Variants in PCDHGB6 observed in about 807,000 individuals in gnomAD.
PCDHGB6 encodes protocadherin gamma-B6.
A neutral mutation model predicts 59.1 loss-of-function variants in PCDHGB6; 51 were observed. The ratio of observed to expected loss-of-function variants is 0.86; its 90% CI spans 0.69 to 1.09. The LOEUF (loss-of-function observed/expected upper bound fraction) is 1.09, where lower values mean the gene tolerates loss of function less well. Ranked by LOEUF, PCDHGB6 falls within the 50% of genes least tolerant of loss-of-function variation. The probability of loss-of-function intolerance (pLI) is 0.00; values close to 1 mark genes in which losing one functional copy is unlikely to be tolerated. For missense variants in PCDHGB6, 1,148 were observed against 1,205.1 expected (o/e 0.95, Z 0.70); for synonymous variants, 466 against 495.1 (o/e 0.94, Z 0.78).
At chr5:141,462,905 T>G (rs542357408) in intron 1 of PCDHGB6, among the ~76,000 whole-genome samples, 265 of 152,356 alleles carry the variant, frequency 1.7e-3, no homozygotes, top group Non-Finnish European at 3.1e-3. Flanking sequence ...AAGGCTATTA[T>G]GTTTTTTGCA....
Position 141,485,220 on chromosome 5 carries a change from C to T in PCDHGB6, c.2419-9587C>T. The T allele has an allele frequency of 6.2e-7, 1 of 1,614,192 alleles. No homozygotes were observed. The highest frequency in any genetic ancestry group is 8.5e-7 in the Non-Finnish European group (1 of 1,180,024). On this transcript the variant is annotated intron_variant, in intron 1 of 3. Transcript: ENST00000520790. This position sits in a 1 kb window ranked among gnomAD's most constrained non-coding sequence, Gnocchi z 5.7. ...TGGACAGAAATCTGGCGGTGGGCTA[C>T]CCTTTTGTTCCTCTTTTACCACCTG... is the stretch of plus-strand genomic sequence containing the variant.
At chr5:141,433,208 CTT>C (rs745329085) in intron 1 of PCDHGB6, 289 of 1,287,502 alleles carry the variant, frequency 2.2e-4, no homozygotes, top group South Asian at 2.8e-4. Context: ...AATCTTCTTT[CTT>C]TTTTTTTTTT....
chr5:141,425,486 C>T (rs2096878743), intron 1 of PCDHGB6, among the ~76,000 whole-genome samples: 1 of 152,236 alleles, frequency 6.6e-6, no homozygotes, highest in African/African-American at 2.4e-5. Context: ...TGGCAACCTA[C>T]TAGGCTATAC....
rs754547223 is a variant in PCDHGB6 at position 141,511,148 on chromosome 5, AGTC to A, written c.2770_2772del (p.Ser924del). The A allele has an allele frequency of 7.4e-6, 12 of 1,614,202 alleles. No individual in the cohort carries two copies. The highest frequency in any genetic ancestry group is 1.0e-5 in the Non-Finnish European group (12 of 1,180,016). ...GCAGGTGGCAATGGCAACAAGAAGA[AGTC>A]GGGCAAGAAGGAGAAGAAGTAACAT... On this transcript the variant is annotated inframe_deletion, in exon 4 of 4. Coordinates refer to ENST00000520790, the MANE Select transcript of PCDHGB6 (RefSeq NM_018926.3).
chr5:141,450,633 C>T (rs751572851), intron 1 of PCDHGB6, among the ~76,000 whole-genome samples: 2 of 149,416 alleles, frequency 1.3e-5, no homozygotes, highest in East Asian at 2.0e-4. Flanking sequence ...ATTACAGATG[C>T]CTGCCACCAT....
Position 141,476,745 on chromosome 5 carries a change from T to C in PCDHGB6, c.2419-18062T>C, listed in dbSNP as rs1372622323. 6.2e-7 allele frequency: 1 copy of C among 1,613,958 alleles called. No individual in the cohort carries two copies. On this transcript the variant is annotated intron_variant, in intron 1 of 3. Coordinates refer to ENST00000520790, the MANE Select transcript of PCDHGB6 (RefSeq NM_018926.3). This position sits in a 1 kb window ranked among gnomAD's most constrained non-coding sequence, Gnocchi z 7.6. The stretch of plus-strand genomic sequence containing the variant: ...CTGGACCGAGAACGGGAGCCTAGTC[T>C]CCAGTTAGTGCTGACGGCGTTGGAC...
intron 1 of PCDHGB6, among the ~76,000 whole-genome samples, chr5:141,445,652 A>C (rs1307606419): frequency 6.6e-6 from 1 of 152,212 alleles, no homozygotes; most frequent in African/African-American, 2.4e-5. Context: ...TGAATAGATT[A>C]ATAGGATGAG....
intron 2 of PCDHGB6, among the ~76,000 whole-genome samples, chr5:141,502,537 G>A (rs900570745): frequency 2.0e-5 from 3 of 152,042 alleles, no homozygotes; most frequent in Admixed American, 6.6e-5. Context: ...GTTTGTTCGT[G>A]TGGTAAAAAC....
Position 141,491,004 on chromosome 5 carries a change from G to T in PCDHGB6, c.2419-3803G>T. ...CTCGCTCTGCTCCTCCTGGCTCCTT[G>T]GTCACCAAGGTGACAGCCGTGGATG... On this transcript the variant is annotated intron_variant, in intron 1 of 3. Transcript: ENST00000520790. The surrounding 1 kb of genome is among the most constrained non-coding windows in gnomAD (Gnocchi z 6.9). The T allele has an allele frequency of 6.2e-7, 1 of 1,614,024 alleles. No individual in the cohort carries two copies. Among genetic ancestry groups the T allele is most frequent in the Non-Finnish European group, 8.5e-7 (1 of 1,180,026 alleles).
intron 1 of PCDHGB6, chr5:141,475,845 G>C: frequency 4.5e-6 from 2 of 448,002 alleles, no homozygotes; most frequent in Non-Finnish European, 7.9e-6. Context: ...TGCTCAGAGA[G>C]CCCGGCGCTA....
At chr5:141,433,202 T>C (rs1433315739) in intron 1 of PCDHGB6, 2 of 1,578,202 alleles carry the variant, frequency 1.3e-6, no homozygotes, top group Non-Finnish European at 1.7e-6. Context: ...ATATCAAATC[T>C]TCTTTCTTTT....
chr5:141,432,400 G>A lies in PCDHGB6; in HGVS notation c.2418+21780G>A, dbSNP rs139153105. ...ACCCGCCCCTCAGCAGCAACGTGTC[G>A]TTGAGCCTGTTCGTGCTGGACCAGA... On this transcript the variant is annotated intron_variant, in intron 1 of 3. Transcript: ENST00000520790. The surrounding 1 kb of genome is among the most constrained non-coding windows in gnomAD (Gnocchi z 6.0). 5.6e-6 allele frequency: 9 copies of A among 1,614,122 alleles called. No homozygotes were observed. In the East Asian group the frequency reaches 6.7e-5, roughly 12 times the overall value.
chr5:141,428,131 G>T, intron 1 of PCDHGB6: 1 of 1,602,720 alleles, frequency 6.2e-7, no homozygotes, highest in Non-Finnish European at 8.5e-7. Flanking sequence ...GGGCTTTTCA[G>T]CCTGGGGCTG....
In PCDHGB6 at chr5:141,490,692, G is replaced by C. The variant is rs751109998; in HGVS notation, c.2419-4115G>C. 16 of 1,614,154 alleles carry C rather than the reference G, an allele frequency of 9.9e-6. 1 individual carries two copies. The Middle Eastern group carries it at 6.6e-4, about 67-fold the overall frequency. ...TGGCTGCCTCAGATCCAGACACTGG[G>C]GATAATGCCCGCCTCACCTACTCCA... On this transcript the variant is annotated intron_variant, in intron 1 of 3. Transcript: ENST00000520790. This position sits in a 1 kb window ranked among gnomAD's most constrained non-coding sequence, Gnocchi z 5.4.
Position 141,491,009 on chromosome 5 carries a change from C to A in PCDHGB6, c.2419-3798C>A. On this transcript the variant is annotated intron_variant, in intron 1 of 3. Transcript: ENST00000520790. This position sits in a 1 kb window ranked among gnomAD's most constrained non-coding sequence, Gnocchi z 6.9. ...TCTGCTCCTCCTGGCTCCTTGGTCA[C>A]CAAGGTGACAGCCGTGGATGCTGAT... 4 of 1,614,140 alleles carry A rather than the reference C, an allele frequency of 2.5e-6. No homozygotes were observed. Among genetic ancestry groups the A allele is most frequent in the Non-Finnish European group, 3.4e-6 (4 of 1,180,038 alleles).
At position 141,486,783 on chromosome 5, in the gene PCDHGB6, C is replaced by A. The variant is rs905423670; in HGVS notation, c.2419-8024C>A. ...CAGACACTGCAGTTTGAGGTGCAGG[C>A]CCGGGATCGGGGCAACCCACCCCTT... On this transcript the variant is annotated intron_variant, in intron 1 of 3. Transcript: ENST00000520790. The surrounding 1 kb of genome is among the most constrained non-coding windows in gnomAD (Gnocchi z 5.0). 6.2e-7 allele frequency: 1 copy of A among 1,614,102 alleles called. No homozygotes were observed.
chr5:141,510,837 GTCAAGGCCCAGGGTGC>G, intron 3 of PCDHGB6, 94 bp from the exon 4 acceptor site: 1 of 1,586,392 alleles, frequency 6.3e-7, no homozygotes, highest in Non-Finnish European at 8.6e-7. Flanking sequence ...GCTCAGCGTG[GTCAAGGCCCAGGGTGC>G]TGTATAGGCA....
chr5:141,435,686 T>C (rs2097774326), intron 1 of PCDHGB6, among the ~76,000 whole-genome samples: 1 of 152,340 alleles, frequency 6.6e-6, no homozygotes, highest in Non-Finnish European at 1.5e-5. Flanking sequence ...GAGAACTTTA[T>C]GCTTATTGTA....
chr5:141,447,919 C>G (rs940570932), intron 1 of PCDHGB6, among the ~76,000 whole-genome samples: 2 of 152,012 alleles, frequency 1.3e-5, no homozygotes, highest in East Asian at 1.9e-4. Context: ...AACTCTGTCT[C>G]CACTAAAAAT....
Sources: gnomAD v4.1 joint callset for allele counts (sites outside exome capture counted in the v4.1 genomes callset) on GRCh38, gnomAD v4.1.1 for gene constraint, Gnocchi (gnomAD v3.1) non-coding constraint, MANE v1.5 for transcripts, NCBI Gene and HGNC (gene_info 2026-07-23, HGNC 2026-07-21) for gene names.